The following ADAMTS18 variants were observed in gnomAD, a reference collection of about 807,000 sequenced individuals.
ADAMTS18 encodes the protein ADAM metallopeptidase with thrombospondin type 1 motif 18.
A neutral mutation model predicts 165.9 loss-of-function variants in ADAMTS18; 157 were observed. The ratio of observed to expected loss-of-function variants is 0.95; its 90% CI spans 0.83 to 1.08. ADAMTS18 has a LOEUF of 1.08. Ranked by LOEUF, ADAMTS18 falls within the 50% of genes least tolerant of loss-of-function variation. The pLI, the probability that ADAMTS18 is intolerant of heterozygous loss-of-function variation, is 0.00. For missense variants in ADAMTS18, 2,040 were observed against 1,534.0 expected, an observed-to-expected ratio of 1.33 and a Z score of -5.51; for synonymous variants, 782 against 578.2, an observed-to-expected ratio of 1.35 and a Z score of -5.06.
intron 11 of ADAMTS18, among the ~76,000 whole-genome samples, chr16:77,340,082 C>G (rs997271767): frequency 2.6e-5 from 4 of 152,240 alleles, no homozygotes; most frequent in African/African-American, 9.6e-5. Context: ...TCATCTGGGC[C>G]CCGACAGCAA....
Position 77,353,834 on chromosome 16 carries a change from T to C in ADAMTS18, c.1513A>G (p.Lys505Glu). 6.2e-7 allele frequency: 1 copy of C among 1,614,180 alleles called. No individual in the cohort carries two copies. The highest frequency in any genetic ancestry group is 8.5e-7 in the Non-Finnish European group (1 of 1,180,040). ...TGTCCTGGTAGTTTGTCCGGATATT[T>C]ATACTGTCCTGCTTGCTTGGGCTCA... ...VDEPKQAGQYKYPDKLPGQIY... is the reference protein window; with the variant it reads ...VDEPKQAGQYEYPDKLPGQIY... Residue 505 changes from lysine (K) to glutamate (E), a missense_variant, in exon 10 of 23, where the codon AAA becomes GAA. By Grantham distance (56) the Lys-to-Glu change is moderately conservative (BLOSUM62 1). Coordinates refer to ENST00000282849, the MANE Select transcript of ADAMTS18 (RefSeq NM_199355.4).
At chr16:77,415,059 G>A (rs8051254) in intron 3 of ADAMTS18, among the ~76,000 whole-genome samples, 89,506 of 152,074 alleles carry the variant, frequency 0.59, 27,289 homozygotes, top group Middle Eastern at 0.73. Context: ...AACAAGACCA[G>A]TAATGTATCC....
chr16:77,356,166 T>C (rs2056627626), intron 8 of ADAMTS18, 89 bp from the exon 9 acceptor site: 2 of 1,542,652 alleles, frequency 1.3e-6, no homozygotes, highest in African/African-American at 1.4e-5. Context: ...GTATTGATCA[T>C]CAACAAAACC....
In ADAMTS18 at chr16:77,401,124, G is replaced by A. The variant is rs148048079; in HGVS notation, c.495+30171C>T. On this transcript the variant is annotated intron_variant, in intron 3 of 22. Coordinates refer to ENST00000282849, the MANE Select transcript of ADAMTS18 (RefSeq NM_199355.4). ...TACAAAATTAGCCAGGCGTGGTGGC[G>A]GGTGCCTATAATACCAGCTACTCAG... Among the ~76,000 whole-genome samples the A allele has an allele frequency of 8.4e-3, 1,275 of 152,048 alleles. 19 individuals carry two copies. Among genetic ancestry groups the A allele is most frequent in the African/African-American group, 0.028 (1,176 of 41,464 alleles).
At chr16:77,290,843 G>GT (rs764010331) in intron 21 of ADAMTS18, 98 of 258,570 alleles carry the variant, frequency 3.8e-4, no homozygotes, top group Middle Eastern at 2.6e-3. Context: ...ACCGTGCATA[G>GT]TAATAGCTTG....
In ADAMTS18 at chr16:77,319,039, T is replaced by A. The variant is rs144438847; in HGVS notation, c.2532+810A>T. On this transcript the variant is annotated intron_variant, in intron 16 of 22. Transcript: ENST00000282849. ...CAGAGTCATTTCCAGATATGTTGGT[T>A]CTTTTAATTATCATTTTTTTTACCT... 3.0e-3 allele frequency among the ~76,000 whole-genome samples: 450 copies of A among 152,312 alleles called. 6 individuals carry two copies. Among genetic ancestry groups the A allele is most frequent in the African/African-American group, 9.6e-3 (399 of 41,564 alleles).
intron 12 of ADAMTS18, among the ~76,000 whole-genome samples, chr16:77,334,625 A>ATAC (rs1555514198): frequency 4.5e-5 from 5 of 111,896 alleles, no homozygotes; most frequent in African/African-American, 1.8e-4. Flanking sequence ...TATAGTATAT[A>ATAC]TACTATAGTA....
chr16:77,321,930 C>G (rs893581899), intron 14 of ADAMTS18, among the ~76,000 whole-genome samples: 1 of 152,032 alleles, frequency 6.6e-6, no homozygotes, highest in African/African-American at 2.4e-5. Flanking sequence ...CTGAAGCGGG[C>G]AGATCACCTG....
At chr16:77,359,193 T>G (rs2144725804) in intron 8 of ADAMTS18, 125 bp downstream of exon 8, 1 of 865,782 alleles carries the variant, frequency 1.2e-6, no homozygotes, top group East Asian at 2.6e-5. Context: ...AGTCAGAAAC[T>G]ATTCTAAGCT....
chr16:77,344,439 T>A (rs114722999), intron 10 of ADAMTS18, among the ~76,000 whole-genome samples: 1 of 152,096 alleles, frequency 6.6e-6, no homozygotes, highest in South Asian at 2.1e-4. Flanking sequence ...TGTTGTCGTA[T>A]TGAGTCACCC....
intron 16 of ADAMTS18, among the ~76,000 whole-genome samples, chr16:77,303,561 C>T (rs2055625966): frequency 1.3e-5 from 2 of 152,086 alleles, no homozygotes; most frequent in Admixed American, 6.6e-5. Flanking sequence ...ATCTTACCAC[C>T]TCATATGTTG....
At chr16:77,319,752 CT>C in intron 16 of ADAMTS18, 96 bp downstream of exon 16, 1 of 1,596,218 alleles carries the variant, frequency 6.3e-7, no homozygotes, top group Non-Finnish European at 8.6e-7. Context: ...CAGGAAACAC[CT>C]TTGAACTAGA....
At chr16:77,429,628 C>A (rs141918969) in intron 3 of ADAMTS18, among the ~76,000 whole-genome samples, 1 of 152,112 alleles carries the variant, frequency 6.6e-6, no homozygotes, top group African/African-American at 2.4e-5. Flanking sequence ...AATCTTCATA[C>A]AGAAAAATTT....
intron 10 of ADAMTS18, 114 bp from the exon 11 acceptor site, chr16:77,341,913 A>T: frequency 1.2e-6 from 1 of 852,736 alleles, no homozygotes; most frequent in Non-Finnish European, 1.9e-6. Context: ...CAGAGCAATT[A>T]TTCAGAAAGT....
intron 17 of ADAMTS18, 23 bp downstream of exon 17, chr16:77,300,240 G>T: frequency 6.2e-7 from 1 of 1,613,806 alleles, no homozygotes; most frequent in East Asian, 2.2e-5. Context: ...AGACTTTGGA[G>T]ACAGAATGAG....
intron 10 of ADAMTS18, among the ~76,000 whole-genome samples, chr16:77,352,832 C>G (rs2056574830): frequency 6.6e-6 from 1 of 151,902 alleles, no homozygotes; most frequent in Non-Finnish European, 1.5e-5. Flanking sequence ...TAGTATGGGC[C>G]GGGCGGGGTG....
intron 3 of ADAMTS18, among the ~76,000 whole-genome samples, chr16:77,417,757 T>C (rs1299403680): frequency 6.6e-6 from 1 of 152,154 alleles, no homozygotes; most frequent in Non-Finnish European, 1.5e-5. Context: ...ATAATCATCA[T>C]CATAATAAAA....
chr16:77,329,190 C>T (rs150139075), intron 12 of ADAMTS18, among the ~76,000 whole-genome samples: 20 of 152,082 alleles, frequency 1.3e-4, no homozygotes, highest in African/African-American at 3.9e-4. Context: ...ACTGCAGCCT[C>T]AAATTCCTGA....
intron 3 of ADAMTS18, among the ~76,000 whole-genome samples, chr16:77,385,681 C>A (rs536565521): frequency 6.6e-6 from 1 of 152,172 alleles, no homozygotes; most frequent in Non-Finnish European, 1.5e-5. Context: ...TGATTAAGTA[C>A]GCTACGTGGC....
Sources: allele counts gnomAD v4.1 joint callset (sites outside exome capture counted in the v4.1 genomes callset), GRCh38; gene constraint gnomAD v4.1.1; transcripts MANE v1.5; gene names NCBI Gene and HGNC (gene_info 2026-07-23, HGNC 2026-07-21).